WDR70: variants seen among roughly 807,000 people sequenced by gnomAD.
WDR70 encodes WD repeat-containing protein 70.
A neutral mutation model predicts 88.6 loss-of-function variants in WDR70; 53 were observed. The observed-to-expected ratio is 0.60, with a 90% confidence interval of 0.48 to 0.75. The LOEUF (loss-of-function observed/expected upper bound fraction) is 0.75. WDR70 is among the 30% of genes least tolerant of loss of function. The pLI is 0.00. For missense variants in WDR70, 610 were observed against 823.2 expected, an observed-to-expected ratio of 0.74 and a Z score of 3.17; for synonymous variants, 280 against 270.0, an observed-to-expected ratio of 1.04 and a Z score of -0.36.
At chr5:37,461,091 A>G (rs1004609885) in intron 7 of WDR70, among the ~76,000 whole-genome samples, 3 of 139,780 alleles carry the variant, frequency 2.1e-5, no homozygotes, top group African/African-American at 7.7e-5. Flanking sequence ...ATGGCAAATA[A>G]ATATTTCTAA....
chr5:37,496,094 C>A (rs1740207021), intron 8 of WDR70, among the ~76,000 whole-genome samples: 1 of 152,126 alleles, frequency 6.6e-6, no homozygotes, highest in African/African-American at 2.4e-5. Flanking sequence ...TTGTAAACAC[C>A]AATCAGCACT....
chr5:37,538,026 CT>C (rs1741712544), intron 9 of WDR70, among the ~76,000 whole-genome samples: 1 of 152,148 alleles, frequency 6.6e-6, no homozygotes, highest in Non-Finnish European at 1.5e-5. Flanking sequence ...TGCCACTCTG[CT>C]TTTCATTGCT....
chr5:37,639,485 T>C (rs1745051161), intron 10 of WDR70, among the ~76,000 whole-genome samples: 1 of 152,230 alleles, frequency 6.6e-6, no homozygotes, highest in Admixed American at 6.5e-5. Flanking sequence ...CTGTGAACCT[T>C]ACTTATGCAT....
intron 3 of WDR70, among the ~76,000 whole-genome samples, chr5:37,383,155 G>T (rs1001567093): frequency 4.6e-5 from 7 of 152,176 alleles, no homozygotes; most frequent in Non-Finnish European, 7.3e-5. Context: ...GCAATATCCA[G>T]TATTTGGCAG....
intron 9 of WDR70, among the ~76,000 whole-genome samples, chr5:37,533,337 T>C (rs191775040): frequency 1.3e-5 from 2 of 152,326 alleles, no homozygotes; most frequent in African/African-American, 2.4e-5. Flanking sequence ...GTCTTATTCC[T>C]GTAATCCCAG....
intron 5 of WDR70, among the ~76,000 whole-genome samples, chr5:37,400,164 C>A (rs1749149062): frequency 6.6e-6 from 1 of 152,126 alleles, no homozygotes. Context: ...GCATTCCTAA[C>A]CTCAGGTGAT....
chr5:37,642,389 A>T (rs1745127547), intron 10 of WDR70, among the ~76,000 whole-genome samples: 1 of 152,134 alleles, frequency 6.6e-6, no homozygotes, highest in South Asian at 2.1e-4. Flanking sequence ...TTGACATTAC[A>T]TATTTTTAAA....
At chr5:37,454,505 A>G (rs1738774196) in intron 7 of WDR70, among the ~76,000 whole-genome samples, 1 of 152,180 alleles carries the variant, frequency 6.6e-6, no homozygotes. Context: ...GTTCAAATAA[A>G]TAAAAAAAGA....
intron 9 of WDR70, among the ~76,000 whole-genome samples, chr5:37,587,268 C>A (rs1242500875): frequency 6.6e-6 from 1 of 152,036 alleles, no homozygotes; most frequent in Non-Finnish European, 1.5e-5. Context: ...CAATCTGGTA[C>A]TTGCCAATAT....
At chr5:37,450,101 T>G (rs991346846) in intron 7 of WDR70, among the ~76,000 whole-genome samples, 4 of 152,242 alleles carry the variant, frequency 2.6e-5, no homozygotes, top group African/African-American at 9.6e-5. Context: ...GGATGCATAG[T>G]ATTCCATGGT....
chr5:37,467,735 T>C (rs979389694), intron 7 of WDR70, among the ~76,000 whole-genome samples: 2 of 150,568 alleles, frequency 1.3e-5, no homozygotes, highest in African/African-American at 2.4e-5. Flanking sequence ...TTTTATTTTT[T>C]TTAGAGATGG....
At chr5:37,751,696 A>T (rs962900288) in intron 17 of WDR70, among the ~76,000 whole-genome samples, 1 of 152,252 alleles carries the variant, frequency 6.6e-6, no homozygotes, top group Non-Finnish European at 1.5e-5. Context: ...ATAATGCGAT[A>T]GAGCTGTTTT....
intron 17 of WDR70, among the ~76,000 whole-genome samples, chr5:37,730,086 T>C (rs1384306970): frequency 6.6e-6 from 1 of 152,160 alleles, no homozygotes; most frequent in African/African-American, 2.4e-5. Context: ...TTTGGTGAAG[T>C]GTAATTACAA....
intron 10 of WDR70, among the ~76,000 whole-genome samples, chr5:37,654,425 C>G (rs545411305): frequency 6.6e-6 from 1 of 152,026 alleles, no homozygotes; most frequent in Non-Finnish European, 1.5e-5. Flanking sequence ...TTCTGTTGAT[C>G]TGGTGTGGAG....
At chr5:37,570,409 T>A (rs1180181462) in intron 9 of WDR70, among the ~76,000 whole-genome samples, 2 of 152,152 alleles carry the variant, frequency 1.3e-5, no homozygotes, top group African/African-American at 4.8e-5. Context: ...GATAGCTAGT[T>A]TTTTGCCTCT....
intron 10 of WDR70, among the ~76,000 whole-genome samples, chr5:37,695,703 C>T (rs1746961079): frequency 6.6e-6 from 1 of 152,160 alleles, no homozygotes. Flanking sequence ...CTTGTCGGCA[C>T]TGTAGCTCAT....
At chr5:37,535,190 C>A (rs538233142) in intron 9 of WDR70, among the ~76,000 whole-genome samples, 1 of 150,540 alleles carries the variant, frequency 6.6e-6, no homozygotes, top group Non-Finnish European at 1.5e-5. Context: ...GTCTACTGCA[C>A]GTAGAGTAGT....
chr5:37,418,150 G>A (rs941283045), intron 5 of WDR70, among the ~76,000 whole-genome samples: 2 of 151,726 alleles, frequency 1.3e-5, no homozygotes, highest in Admixed American at 1.3e-4. Context: ...CATTCTTTGT[G>A]GATTCTAACA....
chr5:37,715,855 A>G (rs1184305657), intron 13 of WDR70, among the ~76,000 whole-genome samples: 1 of 151,596 alleles, frequency 6.6e-6, no homozygotes, highest in African/African-American at 2.4e-5. Flanking sequence ...TTTTCTTTTT[A>G]TTTGTTTTGG....
Sources: allele counts gnomAD v4.1 joint callset (sites outside exome capture counted in the v4.1 genomes callset), GRCh38; gene constraint gnomAD v4.1.1; transcripts MANE v1.5; gene names NCBI Gene and HGNC (gene_info 2026-07-23, HGNC 2026-07-21).